Variants in NAALADL2 observed in about 807,000 individuals in gnomAD.
The protein encoded by NAALADL2 is inactive N-acetylated-alpha-linked acidic dipeptidase-like protein 2.
In NAALADL2, 76 loss-of-function variants were observed where a neutral mutation model predicts 87.2. The observed-to-expected ratio is 0.87, with a 90% CI of 0.72 to 1.05. The LOEUF is 1.05. Ranked by LOEUF, NAALADL2 falls within the 50% of genes least tolerant of loss-of-function variation. NAALADL2 has a pLI of 0.00. For synonymous variants in NAALADL2, 354 were observed against 331.0 expected (o/e 1.07, Z -0.75); for missense variants, 1,089 against 945.8 (o/e 1.15, Z -1.99).
intron 1 of NAALADL2, among the ~76,000 whole-genome samples, chr3:174,882,695 A>C (rs1276136684): frequency 1.3e-5 from 2 of 148,386 alleles, no homozygotes; most frequent in Non-Finnish European, 3.0e-5. Context: ...GTATCCGTGT[A>C]TATACATGTG....
At chr3:175,718,257 T>C in intron 11 of NAALADL2, 1 of 948,646 alleles carries the variant, frequency 1.1e-6, no homozygotes. Context: ...TTCGGGCGAC[T>C]GAGGGAGTTT....
chr3:174,446,869 T>G (rs572067145), intron 1 of NAALADL2, among the ~76,000 whole-genome samples: 2 of 152,268 alleles, frequency 1.3e-5, no homozygotes, highest in East Asian at 1.9e-4. Flanking sequence ...ATAAAAGCCT[T>G]TTTCCCTATC....
At chr3:174,939,182 G>A (rs1298588094) in intron 1 of NAALADL2, among the ~76,000 whole-genome samples, 2 of 152,126 alleles carry the variant, frequency 1.3e-5, no homozygotes, top group South Asian at 2.1e-4. Flanking sequence ...GTTGATTTTT[G>A]TATATGGTGT....
intron 1 of NAALADL2, among the ~76,000 whole-genome samples, chr3:175,095,766 GAC>G (rs1181907748): frequency 2.6e-5 from 4 of 151,996 alleles, no homozygotes; most frequent in Non-Finnish European, 5.9e-5. Flanking sequence ...ACCACAGTGG[GAC>G]ACACAGAAAA....
At chr3:175,695,561 T>C (rs2149935201) in intron 11 of NAALADL2, among the ~76,000 whole-genome samples, 1 of 152,308 alleles carries the variant, frequency 6.6e-6, no homozygotes, top group East Asian at 1.9e-4. Context: ...GTAGGCACAC[T>C]TATCACTCTC....
At chr3:174,792,353 A>G (rs1717567373) in intron 3 of NAALADL2, among the ~76,000 whole-genome samples, 1 of 152,034 alleles carries the variant, frequency 6.6e-6, no homozygotes, top group African/African-American at 2.4e-5. Context: ...GGCTGTACTG[A>G]TTTTGTTATT....
chr3:174,856,700 G>A (rs1018949152), upstream of NAALADL2, among the ~76,000 whole-genome samples: 1 of 152,138 alleles, frequency 6.6e-6, no homozygotes, highest in Non-Finnish European at 1.5e-5. Flanking sequence ...TAATTGAAAA[G>A]ATGAAAGTTT....
chr3:174,607,863 AT>A (rs1190374862), intron 2 of NAALADL2, among the ~76,000 whole-genome samples: 3 of 151,896 alleles, frequency 2.0e-5, no homozygotes, highest in Admixed American at 6.6e-5. Context: ...CAGAATATAC[AT>A]TTTTTTCAGC....
intron 3 of NAALADL2, among the ~76,000 whole-genome samples, chr3:174,799,583 T>C (rs528141946): frequency 5.9e-5 from 9 of 152,302 alleles, no homozygotes; most frequent in Admixed American, 5.9e-4. Flanking sequence ...TAAACCTCTT[T>C]CTTCTGTAAA....
At chr3:174,702,095 T>C (rs1474853397) in intron 2 of NAALADL2, among the ~76,000 whole-genome samples, 1 of 152,162 alleles carries the variant, frequency 6.6e-6, no homozygotes, top group Non-Finnish European at 1.5e-5. Flanking sequence ...GTATAGGCCG[T>C]CTTTTTAATT....
Position 175,563,572 on chromosome 3 carries a change from A to G in NAALADL2, c.1654-12469A>G, listed in dbSNP as rs1716628979. On this transcript the variant is annotated intron_variant, in intron 9 of 13. Coordinates refer to ENST00000454872, the MANE Select transcript of NAALADL2 (RefSeq NM_207015.3). ...ACCATTCTGTCCCAGTGGAAGAATT[A>G]GATAATAAGTGGATTGACCTCCGTT... Among the ~76,000 whole-genome samples, 3 of 152,194 alleles carry G rather than the reference A, an allele frequency of 2.0e-5. No individual in the cohort carries two copies. The South Asian group carries it at 6.2e-4, about 31-fold the overall frequency.
chr3:174,486,057 C>A (rs1018836192), intron 1 of NAALADL2, among the ~76,000 whole-genome samples: 2 of 151,968 alleles, frequency 1.3e-5, no homozygotes, highest in Non-Finnish European at 2.9e-5. Context: ...GGGTATGTAC[C>A]CAAGTGCTTC....
At chr3:174,472,682 TA>T (rs1461132073) in intron 1 of NAALADL2, among the ~76,000 whole-genome samples, 1 of 152,198 alleles carries the variant, frequency 6.6e-6, no homozygotes, top group African/African-American at 2.4e-5. Context: ...TTGTCATACA[TA>T]TTTTTTTCAT....
intron 1 of NAALADL2, among the ~76,000 whole-genome samples, chr3:174,917,363 T>C (rs758728581): frequency 1.2e-4 from 18 of 152,120 alleles, no homozygotes; most frequent in Non-Finnish European, 2.4e-4. Context: ...ATGGCAAAAA[T>C]GTACATTCAG....
At position 174,531,686 on chromosome 3, in the gene NAALADL2, C is replaced by T. The variant is rs762294770; in HGVS notation, c.-183-18883C>T. ...GATGATTTATTTGCTTTTTGGTAAA[C>T]TCGATTCTGTTTTGTAACATTTGAA... is the stretch of plus-strand genomic sequence containing the variant. On this transcript the variant is annotated intron_variant, in intron 1 of 3. Coordinates refer to the NAALADL2 transcript ENST00000434257. 6.0e-4 allele frequency among the ~76,000 whole-genome samples: 92 copies of T among 152,230 alleles called. No homozygotes were observed. The Middle Eastern group carries it at 0.01, about 17-fold the overall frequency.
intron 1 of NAALADL2, among the ~76,000 whole-genome samples, chr3:174,911,062 C>T (rs1049579712): frequency 1.3e-5 from 2 of 152,230 alleles, no homozygotes; most frequent in Non-Finnish European, 2.9e-5. Context: ...ATGCACTAAA[C>T]CACAAATCAG....
At chr3:175,670,393 T>A (rs1195119633) in intron 11 of NAALADL2, among the ~76,000 whole-genome samples, 1 of 140,074 alleles carries the variant, frequency 7.1e-6, no homozygotes, top group Non-Finnish European at 1.5e-5. Flanking sequence ...TAACATTTAA[T>A]TATATTAAAT....
chr3:174,897,940 C>T (rs1262495674), intron 1 of NAALADL2, among the ~76,000 whole-genome samples: 5 of 139,824 alleles, frequency 3.6e-5, no homozygotes, highest in Admixed American at 3.4e-4. Context: ...GGTGAAACCC[C>T]GTCTCTACTA....
At chr3:174,886,145 C>T (rs1211537881) in intron 1 of NAALADL2, among the ~76,000 whole-genome samples, 2 of 151,802 alleles carry the variant, frequency 1.3e-5, no homozygotes, top group Non-Finnish European at 2.9e-5. Context: ...GATCTCCTGA[C>T]CTCATGATCC....
Sources: allele counts gnomAD v4.1 joint callset (sites outside exome capture counted in the v4.1 genomes callset), GRCh38; gene constraint gnomAD v4.1.1; transcripts MANE v1.5; gene names NCBI Gene and HGNC (gene_info 2026-07-23, HGNC 2026-07-21).